Variants in DCUN1D4 observed in about 807,000 individuals in gnomAD.
DCUN1D4 encodes the protein DCN1-like protein 4.
DCUN1D4 carries 22 observed loss-of-function variants against 47.9 expected under a neutral mutation model. That is an observed-to-expected ratio of 0.46 (90% CI 0.33 to 0.66). DCUN1D4 has a LOEUF of 0.66. Ranked by LOEUF, DCUN1D4 falls within the 30% of genes least tolerant of loss-of-function variation. The pLI, the probability that DCUN1D4 is intolerant of heterozygous loss-of-function variation, is 0.02. For missense variants in DCUN1D4, 301 were observed against 340.8 expected (o/e 0.88, Z 0.92); for synonymous variants, 121 against 112.2 (o/e 1.08, Z -0.50).
At chr4:51,850,890 T>C (rs1250862597) in intron 1 of DCUN1D4, among the ~76,000 whole-genome samples, 1 of 151,906 alleles carries the variant, frequency 6.6e-6, no homozygotes, top group African/African-American at 2.4e-5. Flanking sequence ...ATGCAGAAGC[T>C]CAGAGTGGGG....
At chr4:51,864,373 G>A (rs545462206) in intron 3 of DCUN1D4, among the ~76,000 whole-genome samples, 2 of 152,298 alleles carry the variant, frequency 1.3e-5, no homozygotes, top group East Asian at 3.9e-4. Flanking sequence ...ACTTGCATTT[G>A]ATCTATGGTT....
chr4:51,874,124 G>A (rs1007867648), intron 3 of DCUN1D4, 147 bp from the exon 4 acceptor site: 3 of 456,156 alleles, frequency 6.6e-6, no homozygotes, highest in Non-Finnish European at 7.5e-6. Context: ...TTTTCAAAAA[G>A]GAACTAAAAA....
intron 7 of DCUN1D4, among the ~76,000 whole-genome samples, chr4:51,893,975 C>T (rs542605608): frequency 9.8e-5 from 15 of 152,322 alleles, no homozygotes; most frequent in East Asian, 5.8e-4. Flanking sequence ...GGCCCTATCT[C>T]CTGGGAAGTG....
upstream of DCUN1D4, among the ~76,000 whole-genome samples, chr4:51,841,981 T>TGGGGGGGGG (rs1721693036): frequency 2.3e-4 from 1 of 4,380 alleles, no homozygotes; most frequent in African/African-American, 9.9e-4. Context: ...CAGGGTAGGG[T>TGGGGGGGGG]GGGGGTGGGT....
chr4:51,876,458 T>C (rs1166094962), intron 4 of DCUN1D4, among the ~76,000 whole-genome samples: 1 of 152,128 alleles, frequency 6.6e-6, no homozygotes, highest in African/African-American at 2.4e-5. Flanking sequence ...TTAGGAGATA[T>C]ACCTAATGTT....
intron 1 of DCUN1D4, among the ~76,000 whole-genome samples, chr4:51,849,846 CGT>C (rs1560450750): frequency 3.5e-5 from 2 of 57,056 alleles, no homozygotes; most frequent in African/African-American, 5.5e-4. Flanking sequence ...TGTGTGTGTG[CGT>C]GCGTGTGTGT....
At chr4:51,866,440 T>C (rs1289944307) in intron 3 of DCUN1D4, among the ~76,000 whole-genome samples, 3 of 152,126 alleles carry the variant, frequency 2.0e-5, no homozygotes, top group African/African-American at 7.2e-5. Flanking sequence ...AGTGTACATT[T>C]ATATTTGCCA....
At chr4:51,897,802 A>C (rs1239206568) in intron 7 of DCUN1D4, among the ~76,000 whole-genome samples, 1 of 152,228 alleles carries the variant, frequency 6.6e-6, no homozygotes, top group Non-Finnish European at 1.5e-5. Context: ...TTAGGGGGCT[A>C]CTGCCCAAAT....
At chr4:51,854,058 A>G (rs1723770887) in intron 1 of DCUN1D4, among the ~76,000 whole-genome samples, 1 of 152,204 alleles carries the variant, frequency 6.6e-6, no homozygotes, top group Non-Finnish European at 1.5e-5. Context: ...GTAGTATGAA[A>G]CTGACCCATA....
intron 5 of DCUN1D4, among the ~76,000 whole-genome samples, chr4:51,880,635 A>G (rs772157570): frequency 6.6e-6 from 1 of 152,098 alleles, no homozygotes; most frequent in Non-Finnish European, 1.5e-5. Flanking sequence ...CACCAGCTCA[A>G]TTTCTGATCT....
intron 1 of DCUN1D4, among the ~76,000 whole-genome samples, chr4:51,859,073 C>T (rs1247561727): frequency 6.6e-6 from 1 of 152,200 alleles, no homozygotes; most frequent in South Asian, 2.1e-4. Flanking sequence ...CCAAGCTTGC[C>T]TGACTTCCTT....
intron 7 of DCUN1D4, among the ~76,000 whole-genome samples, chr4:51,893,409 C>CTTTTT (rs1491470160): frequency 6.7e-6 from 1 of 150,058 alleles, no homozygotes; most frequent in Admixed American, 6.6e-5. Context: ...TCATTGCTTC[C>CTTTTT]TTTTTCTTTT....
rs1422677248 is a variant in DCUN1D4 at position 51,916,554 on chromosome 4, T to C, written c.*2970T>C. 2 of 152,590 alleles carry C rather than the reference T, an allele frequency of 1.3e-5. No individual in the cohort carries two copies. The highest frequency in any genetic ancestry group is 2.4e-5 in the African/African-American group (1 of 41,446). The allele number at this position is 152,590 out of a possible 1,614,324, so 9.5% of individuals were successfully genotyped here. ...TAGATTTCATTGACCAACTAAAATG[T>C]TGGGTGTCTGTAAATGAGACCAAAA... On this transcript the variant is annotated 3_prime_UTR_variant, in exon 11 of 11. Coordinates refer to ENST00000334635, the MANE Select transcript of DCUN1D4 (RefSeq NM_001040402.3).
chr4:51,836,663 C>A, the DCUN1D4 span, among the ~76,000 whole-genome samples: 6 of 152,300 alleles, frequency 3.9e-5, no homozygotes, highest in South Asian at 1.2e-3. Context: ...ACTTCATGCT[C>A]TTCCCCACTA....
chr4:51,875,170 CT>C (rs1458059869), intron 4 of DCUN1D4: 1 of 152,082 alleles, frequency 6.6e-6, no homozygotes, highest in African/African-American at 2.4e-5. Flanking sequence ...AAGAAAGACT[CT>C]GAAAATGTAA....
intron 8 of DCUN1D4, among the ~76,000 whole-genome samples, chr4:51,906,930 C>A (rs1034747398): frequency 2.6e-5 from 4 of 152,174 alleles, no homozygotes; most frequent in African/African-American, 7.2e-5. Context: ...CTCCTTGTGC[C>A]TCAGTTTCCT....
In DCUN1D4 at chr4:51,881,398, G is replaced by A. The variant is rs578224322; in HGVS notation, c.343+3544G>A. 1.1e-3 allele frequency among the ~76,000 whole-genome samples: 165 copies of A among 152,240 alleles called. 1 individual carries two copies. The highest frequency in any genetic ancestry group is 1.9e-3 in the Non-Finnish European group (131 of 68,028). On this transcript the variant is annotated intron_variant, in intron 5 of 10. Coordinates refer to ENST00000334635, the MANE Select transcript of DCUN1D4 (RefSeq NM_001040402.3). Reference sequence around the variant, plus strand: ...GACAGTTGCAACAAATAATAAACTGGTCTGATAGCGAAGGAAGAGATGTTA... The same window carrying A: ...GACAGTTGCAACAAATAATAAACTGATCTGATAGCGAAGGAAGAGATGTTA...
intron 1 of DCUN1D4, among the ~76,000 whole-genome samples, chr4:51,849,630 G>A (rs747343109): frequency 4.6e-5 from 7 of 152,106 alleles, no homozygotes; most frequent in Non-Finnish European, 7.4e-5. Context: ...GCTGTGGGTC[G>A]TGGGAGCTGT....
In DCUN1D4 at chr4:51,916,383, C is replaced by T. The variant is rs1734327645; in HGVS notation, c.*2799C>T. The T allele has an allele frequency of 1.3e-5, 2 of 152,540 alleles. No homozygotes were observed. The highest frequency in any genetic ancestry group is 4.8e-5 in the African/African-American group (2 of 41,434). 9.4% of individuals were successfully genotyped at this position (152,540 alleles called of 1,614,324 possible). ...GTTTCACAATGGATTTATTTTCTCT[C>T]TCAGTCTCCATTTTAACAGTGCTTT... On this transcript the variant is annotated 3_prime_UTR_variant, in exon 11 of 11. Coordinates refer to ENST00000334635, the MANE Select transcript of DCUN1D4 (RefSeq NM_001040402.3).
Sources: allele counts gnomAD v4.1 joint callset (sites outside exome capture counted in the v4.1 genomes callset), GRCh38; gene constraint gnomAD v4.1.1; transcripts MANE v1.5; gene names NCBI Gene and HGNC (gene_info 2026-07-23, HGNC 2026-07-21).